Variants in C8A observed in about 807,000 individuals in gnomAD.
The protein encoded by C8A is complement C8 alpha chain.
Under a neutral mutation model 65.3 loss-of-function variants are expected in C8A, and 67 were observed. The ratio of observed to expected loss-of-function variants is 1.03; its 90% CI spans 0.84 to 1.26. The LOEUF (loss-of-function observed/expected upper bound fraction) is 1.26, where lower values mean the gene tolerates loss of function less well. C8A is among the 50% of genes most tolerant of loss of function. The probability of loss-of-function intolerance (pLI) is 0.00; values close to 1 mark genes in which losing one functional copy is unlikely to be tolerated. For missense variants in C8A, 781 were observed against 723.9 expected (o/e 1.08, Z -0.90); for synonymous variants, 290 against 259.4 (o/e 1.12, Z -1.13).
intron 1 of C8A, among the ~76,000 whole-genome samples, chr1:56,865,055 G>C (rs1644071413): frequency 6.6e-6 from 1 of 152,086 alleles, no homozygotes. Context: ...AGTCCTTCTA[G>C]AAACAGTAAG....
intron 2 of C8A, among the ~76,000 whole-genome samples, chr1:56,870,550 C>T (rs1373499926): frequency 6.6e-6 from 1 of 152,090 alleles, no homozygotes; most frequent in African/African-American, 2.4e-5. Context: ...GTAATATCCT[C>T]ATCTCAGAAA....
intron 7 of C8A, among the ~76,000 whole-genome samples, chr1:56,888,868 C>A (rs905960003): frequency 6.6e-6 from 1 of 152,092 alleles, no homozygotes; most frequent in Non-Finnish European, 1.5e-5. Flanking sequence ...GCTACATAAA[C>A]GCTGTGGCTC....
At chr1:56,915,181 A>T (rs141536888) in intron 10 of C8A, among the ~76,000 whole-genome samples, 99 of 152,302 alleles carry the variant, frequency 6.5e-4, no homozygotes, top group African/African-American at 2.2e-3. Flanking sequence ...TACTTGTTCA[A>T]ATTCCTCCTT....
intron 1 of C8A, among the ~76,000 whole-genome samples, chr1:56,857,086 G>T (rs946252484): frequency 6.6e-6 from 1 of 151,968 alleles, no homozygotes; most frequent in African/African-American, 2.4e-5. Context: ...ATCAACCTTA[G>T]TGAATATTCC....
At chr1:56,906,634 A>G (rs775879690) in intron 7 of C8A, 33 bp from the exon 8 acceptor site, 5 of 1,613,320 alleles carry the variant, frequency 3.1e-6, no homozygotes, top group Non-Finnish European at 3.4e-6. Context: ...TTAATAACTC[A>G]GCATTTTGTG....
At chr1:56,894,180 A>G (rs530989812) in intron 7 of C8A, among the ~76,000 whole-genome samples, 2 of 152,208 alleles carry the variant, frequency 1.3e-5, no homozygotes, top group Admixed American at 1.3e-4. Context: ...TTCTGCAAAC[A>G]CCCAGCTCTG....
In C8A at chr1:56,880,358, A is replaced by G. The variant is rs151031238; in HGVS notation, c.465-1087A>G. On this transcript the variant is annotated intron_variant, in intron 4 of 10. Coordinates refer to ENST00000361249, the MANE Select transcript of C8A (RefSeq NM_000562.3). ...AGTGTTGGGCTAGGGAAAAGTAAGT[A>G]TAATTTGTTGAATGCCTAATATGTA... Among the ~76,000 whole-genome samples, 683 of 152,290 alleles carry G rather than the reference A, an allele frequency of 4.5e-3. 3 individuals are homozygous for G. Among genetic ancestry groups the G allele is most frequent in the Middle Eastern group, 0.01 (3 of 294 alleles).
intron 7 of C8A, among the ~76,000 whole-genome samples, chr1:56,898,753 C>T (rs1223927599): frequency 6.6e-6 from 1 of 152,034 alleles, no homozygotes. Context: ...TTGAGCATGG[C>T]CCACAGCAGA....
chr1:56,886,073 CA>C lies in C8A; in HGVS notation c.1004del (p.Asn335MetfsTer22). ...ATTATGGCATGTATGCCAAGTTCAT[CA>C]ATGACTATGGCACCCATTACATCAC... ...YNYGMYAKFINDYGTHYITSG... is the reference protein window; with the variant it reads ...YNYGMYAKFIXDYGTHYITSG... On this transcript the variant is annotated frameshift_variant, in exon 7 of 11. Transcript: ENST00000361249. LOFTEE classifies it high-confidence loss of function. 3.1e-6 allele frequency: 5 copies of C among 1,613,962 alleles called. No homozygotes were observed. The highest frequency in any genetic ancestry group is 4.2e-6 in the Non-Finnish European group (5 of 1,179,878).
rs138096497 is a variant in C8A at position 56,875,033 on chromosome 1, A to G, written c.256A>G (p.Ser86Gly). The G allele has an allele frequency of 3.1e-6, 5 of 1,613,658 alleles. No homozygotes were observed. The African/African-American group carries it at 6.7e-5, about 22-fold the overall frequency. The change falls in exon 3 of 11, where the codon AGT becomes GGT. Residue 86 changes from serine (S) to glycine (G), a missense_variant. By Grantham distance (56) the Ser-to-Gly change is moderately conservative (BLOSUM62 0). Transcript: ENST00000361249. ...GDIWDQASCSSSTTCVRQAQC... is the reference protein window; with the variant it reads ...GDIWDQASCSGSTTCVRQAQC... Reference sequence around the variant, plus strand: ...CATCTGGGATCAAGCCAGCTGCTCCAGTTCTACAACTTGTGTAAGGCAAGC... The same window carrying G: ...CATCTGGGATCAAGCCAGCTGCTCCGGTTCTACAACTTGTGTAAGGCAAGC...
At chr1:56,913,861 A>G (rs907902758) in intron 10 of C8A, among the ~76,000 whole-genome samples, 3 of 152,204 alleles carry the variant, frequency 2.0e-5, no homozygotes, top group Non-Finnish European at 4.4e-5. Flanking sequence ...ATGTGGCTCA[A>G]TGGCCATGTG....
chr1:56,902,898 C>A (rs1257123318), intron 7 of C8A, among the ~76,000 whole-genome samples: 2 of 152,080 alleles, frequency 1.3e-5, no homozygotes, highest in Non-Finnish European at 1.5e-5. Context: ...AGCATTTTTG[C>A]ACACAGCTCT....
chr1:56,899,352 G>A (rs759155889), intron 7 of C8A, among the ~76,000 whole-genome samples: 1 of 152,122 alleles, frequency 6.6e-6, no homozygotes. Flanking sequence ...TACAGAACGT[G>A]GTCTTTGGAC....
intron 2 of C8A, among the ~76,000 whole-genome samples, chr1:56,872,177 T>C (rs901093251): frequency 4.6e-5 from 7 of 152,192 alleles, no homozygotes; most frequent in African/African-American, 1.7e-4. Context: ...GATAAATACC[T>C]TTACAATTCA....
chr1:56,889,504 C>T (rs1644327977), intron 7 of C8A, among the ~76,000 whole-genome samples: 1 of 152,140 alleles, frequency 6.6e-6, no homozygotes, highest in Admixed American at 6.6e-5. Context: ...CATTCCGTTT[C>T]TTTCTAGGTA....
chr1:56,917,793 A>T lies in C8A; in HGVS notation c.*77A>T. The T allele has an allele frequency of 1.3e-6, 2 of 1,555,268 alleles. No individual in the cohort carries two copies. The highest frequency in any genetic ancestry group is 1.8e-6 in the Non-Finnish European group (2 of 1,131,746). On this transcript the variant is annotated 3_prime_UTR_variant, in exon 11 of 11. Coordinates refer to ENST00000361249, the MANE Select transcript of C8A (RefSeq NM_000562.3). The stretch of plus-strand genomic sequence containing the variant: ...TGACTATTGGATAAAGACTTCTTTC[A>T]ACTAAGAGAAGATGCAAATCAGCAC...
At chr1:56,860,342 TAAG>T (rs1644021113) in intron 1 of C8A, among the ~76,000 whole-genome samples, 1 of 152,060 alleles carries the variant, frequency 6.6e-6, no homozygotes, top group African/African-American at 2.4e-5. Flanking sequence ...AAATGTGCCT[TAAG>T]AAGATGTCAC....
intron 7 of C8A, among the ~76,000 whole-genome samples, chr1:56,892,398 A>T (rs544999549): frequency 1.1e-4 from 17 of 152,252 alleles, no homozygotes; most frequent in African/African-American, 4.1e-4. Flanking sequence ...CAGATGAAGG[A>T]AACAAGGCAA....
At chr1:56,883,707 C>G in intron 6 of C8A, 26 bp downstream of exon 6, 7 of 1,574,626 alleles carry the variant, frequency 4.4e-6, no homozygotes, top group Non-Finnish European at 6.1e-6. Context: ...GTCTGTGTCT[C>G]ACAGTATTCC....
Sources: allele counts gnomAD v4.1 joint callset (sites outside exome capture counted in the v4.1 genomes callset), GRCh38; gene constraint gnomAD v4.1.1; transcripts MANE v1.5; gene names NCBI Gene and HGNC (gene_info 2026-07-23, HGNC 2026-07-21).